CPQ: variants seen among roughly 807,000 people sequenced by gnomAD.
The protein encoded by CPQ is carboxypeptidase Q.
In CPQ, 37 loss-of-function variants were observed where a neutral mutation model predicts 45.7. The ratio of observed to expected loss-of-function variants is 0.81; its 90% CI spans 0.62 to 1.07. CPQ has a LOEUF of 1.07. Among genes scored for constraint, CPQ ranks in the 50% least tolerant of loss-of-function variants. CPQ has a pLI of 0.00. For synonymous variants in CPQ, 186 were observed against 205.8 expected (o/e 0.90, Z 0.82); for missense variants, 537 against 572.9 (o/e 0.94, Z 0.64).
chr8:96,709,700 G>A (rs911203501), intron 1 of CPQ, among the ~76,000 whole-genome samples: 2 of 152,114 alleles, frequency 1.3e-5, no homozygotes, highest in African/African-American at 2.4e-5. Flanking sequence ...ACTTGTGAAT[G>A]CAAAACCATC....
chr8:97,021,227 G>A (rs1809674936), intron 5 of CPQ, among the ~76,000 whole-genome samples: 1 of 152,106 alleles, frequency 6.6e-6, no homozygotes, highest in Admixed American at 6.6e-5. Context: ...ATACCTCAAT[G>A]TAATGAAAGC....
intron 1 of CPQ, among the ~76,000 whole-genome samples, chr8:96,708,870 CTTT>C (rs1809570443): frequency 6.6e-6 from 1 of 152,126 alleles, no homozygotes; most frequent in South Asian, 2.1e-4. Context: ...GGGAATTCTT[CTTT>C]ATCACCCACC....
intron 1 of CPQ, among the ~76,000 whole-genome samples, chr8:96,662,075 ATCT>A (rs1815707866): frequency 6.6e-6 from 1 of 152,014 alleles, no homozygotes; most frequent in Non-Finnish European, 1.5e-5. Context: ...TCCACTTTAT[ATCT>A]TCTTTGGTAA....
At chr8:96,670,899 G>T (rs1031396504) in intron 1 of CPQ, among the ~76,000 whole-genome samples, 1 of 152,028 alleles carries the variant, frequency 6.6e-6, no homozygotes, top group Non-Finnish European at 1.5e-5. Flanking sequence ...AGAGGGATGC[G>T]TGGGTGTAGC....
chr8:96,716,933 A>G (rs1287478276), intron 1 of CPQ, among the ~76,000 whole-genome samples: 3 of 149,496 alleles, frequency 2.0e-5, no homozygotes, highest in Non-Finnish European at 4.4e-5. Context: ...ACACACACAC[A>G]CGCAAGAATA....
intron 4 of CPQ, among the ~76,000 whole-genome samples, chr8:96,940,758 G>A (rs1813114506): frequency 6.6e-6 from 1 of 152,124 alleles, no homozygotes; most frequent in Non-Finnish European, 1.5e-5. Context: ...GAGCTACATG[G>A]AGTTGAATTT....
intron 6 of CPQ, among the ~76,000 whole-genome samples, chr8:97,048,255 C>A (rs1183475126): frequency 6.6e-6 from 1 of 152,164 alleles, no homozygotes; most frequent in Non-Finnish European, 1.5e-5. Flanking sequence ...GAAAGTAATA[C>A]AATTTAGAAG....
chr8:97,004,061 C>A (rs1809334381), intron 5 of CPQ, among the ~76,000 whole-genome samples: 1 of 151,794 alleles, frequency 6.6e-6, no homozygotes, highest in African/African-American at 2.4e-5. Flanking sequence ...TGTTGAAATC[C>A]AAGTCCATCC....
chr8:96,964,480 T>C (rs188308438), intron 4 of CPQ, among the ~76,000 whole-genome samples: 3 of 152,282 alleles, frequency 2.0e-5, no homozygotes, highest in Non-Finnish European at 4.4e-5. Context: ...TTTATGATTA[T>C]TAGTAATTTG....
intron 7 of CPQ, among the ~76,000 whole-genome samples, chr8:97,138,127 A>G (rs1357162989): frequency 1.3e-5 from 2 of 152,074 alleles, no homozygotes; most frequent in Non-Finnish European, 2.9e-5. Context: ...CCCAACCACC[A>G]TGGCTCCACA....
chr8:96,659,078 A>T (rs1486588448), intron 1 of CPQ, among the ~76,000 whole-genome samples: 1 of 152,228 alleles, frequency 6.6e-6, no homozygotes, highest in Non-Finnish European at 1.5e-5. Context: ...GACCTGCCAC[A>T]TGGTAAATGC....
intron 5 of CPQ, among the ~76,000 whole-genome samples, chr8:96,985,818 C>T (rs1352730445): frequency 6.6e-6 from 1 of 152,152 alleles, no homozygotes; most frequent in Non-Finnish European, 1.5e-5. Flanking sequence ...AACAACCATA[C>T]TTTAATTTAA....
At chr8:97,138,563 TATA>T (rs1812102175) in intron 7 of CPQ, among the ~76,000 whole-genome samples, 1 of 152,178 alleles carries the variant, frequency 6.6e-6, no homozygotes, top group African/African-American at 2.4e-5. Context: ...AGTTATTGGA[TATA>T]ATAATAATTG....
At chr8:96,756,698 G>C (rs1187845353) in intron 1 of CPQ, among the ~76,000 whole-genome samples, 2 of 152,022 alleles carry the variant, frequency 1.3e-5, no homozygotes, top group African/African-American at 2.4e-5. Context: ...AATGTTTTGG[G>C]TTTAATTGCC....
chr8:96,948,755 T>C (rs192084642), intron 4 of CPQ, among the ~76,000 whole-genome samples: 1 of 152,288 alleles, frequency 6.6e-6, no homozygotes, highest in East Asian at 1.9e-4. Flanking sequence ...AGTTTCCTAC[T>C]ATTACTGTAT....
intron 3 of CPQ, among the ~76,000 whole-genome samples, chr8:96,854,224 G>C (rs1045463531): frequency 1.3e-5 from 2 of 152,086 alleles, no homozygotes; most frequent in Non-Finnish European, 2.9e-5. Flanking sequence ...AAGTTGTATT[G>C]TGTCTTCCTT....
intron 6 of CPQ, among the ~76,000 whole-genome samples, chr8:97,064,185 C>A (rs1217890395): frequency 6.6e-6 from 1 of 152,064 alleles, no homozygotes; most frequent in Non-Finnish European, 1.5e-5. Context: ...AATATGGAAA[C>A]CCTCACAAAC....
intron 7 of CPQ, among the ~76,000 whole-genome samples, chr8:97,099,411 G>A (rs1371035600): frequency 2.6e-5 from 4 of 151,828 alleles, no homozygotes; most frequent in South Asian, 2.1e-4. Flanking sequence ...GATTACAGGC[G>A]TGAGCCACCA....
chr8:97,104,340 C>G (rs1342501971), intron 7 of CPQ, among the ~76,000 whole-genome samples: 1 of 152,058 alleles, frequency 6.6e-6, no homozygotes, highest in Non-Finnish European at 1.5e-5. Context: ...TTTCTCATGT[C>G]CTTTGGCACT....
Sources: allele counts gnomAD v4.1 joint callset (sites outside exome capture counted in the v4.1 genomes callset), GRCh38; gene constraint gnomAD v4.1.1; transcripts MANE v1.5; gene names NCBI Gene and HGNC (gene_info 2026-07-23, HGNC 2026-07-21).